The following CD302 variants were observed in gnomAD, a reference collection of about 807,000 sequenced individuals.
CD302 encodes the protein CD302 molecule, also known as CD302 antigen.
Under a neutral mutation model 26.5 loss-of-function variants are expected in CD302, and 23 were observed. That is an observed-to-expected ratio of 0.87 (90% CI 0.62 to 1.23). The LOEUF (loss-of-function observed/expected upper bound fraction) is 1.23. Ranked by LOEUF, CD302 falls within the 50% of genes most tolerant of loss-of-function variation. The pLI is 0.00. For synonymous variants in CD302, 90 were observed against 99.4 expected, an observed-to-expected ratio of 0.91 and a Z score of 0.56; for missense variants, 290 against 275.5, an observed-to-expected ratio of 1.05 and a Z score of -0.37.
intron 5 of CD302, among the ~76,000 whole-genome samples, chr2:159,774,352 T>C (rs1181935589): frequency 1.3e-5 from 2 of 152,192 alleles, no homozygotes; most frequent in East Asian, 1.9e-4. Flanking sequence ...TCTCTATAAA[T>C]TGTGAAGACT....
intron 5 of CD302, among the ~76,000 whole-genome samples, chr2:159,774,269 T>C (rs1490469088): frequency 1.3e-5 from 2 of 152,188 alleles, no homozygotes; most frequent in African/African-American, 4.8e-5. Context: ...TACTTCCAAA[T>C]TTCTTCTAAC....
rs1350898276 is a variant in CD302, at chr2:159,769,302, C to T, written c.*2549G>A. On this transcript the variant is annotated 3_prime_UTR_variant, in exon 6 of 6. Coordinates refer to ENST00000259053, the MANE Select transcript of CD302 (RefSeq NM_014880.5). ...TGCCTGTGTAATCCAATTATCTCTT[C>T]ACTAATGAGTAGATAAGGTGCCTGT... The T allele has an allele frequency of 6.6e-6, 1 of 152,168 alleles. No individual in the cohort carries two copies. The highest frequency in any genetic ancestry group is 1.9e-4 in the East Asian group (1 of 5,198). 9.4% of individuals were successfully genotyped at this position (152,168 alleles called of 1,614,324 possible).
chr2:159,781,719 G>T (rs529827907), intron 2 of CD302, among the ~76,000 whole-genome samples: 4 of 152,222 alleles, frequency 2.6e-5, no homozygotes, highest in African/African-American at 4.8e-5. Context: ...TATTTCAACT[G>T]CCTTGAAATA....
At chr2:159,794,246 C>T (rs974394861) in intron 1 of CD302, among the ~76,000 whole-genome samples, 3 of 133,130 alleles carry the variant, frequency 2.3e-5, no homozygotes, top group Non-Finnish European at 4.8e-5. Flanking sequence ...GCCTGGGTGA[C>T]AGAGTGAGGC....
At chr2:159,794,302 T>TA (rs10656352) in intron 1 of CD302, among the ~76,000 whole-genome samples, 1 of 113,460 alleles carries the variant, frequency 8.8e-6, no homozygotes, top group African/African-American at 3.4e-5. Flanking sequence ...TAAAATAAAA[T>TA]AATAAAAAAA....
intron 3 of CD302, 42 bp from the exon 4 acceptor site, chr2:159,780,220 AAGG>A (rs757142786): frequency 6.2e-7 from 1 of 1,600,018 alleles, no homozygotes; most frequent in Non-Finnish European, 8.5e-7. Context: ...ACAGTTTTAA[AAGG>A]AGTTCAAGCC....
At chr2:159,785,371 A>G (rs954381893) in intron 1 of CD302, among the ~76,000 whole-genome samples, 2 of 152,196 alleles carry the variant, frequency 1.3e-5, no homozygotes, top group African/African-American at 4.8e-5. Flanking sequence ...TCTGGCAGGA[A>G]TCTAGAACTC....
At chr2:159,791,856 A>C (rs1708815689) in intron 1 of CD302, among the ~76,000 whole-genome samples, 1 of 152,240 alleles carries the variant, frequency 6.6e-6, no homozygotes, top group African/African-American at 2.4e-5. Flanking sequence ...GTGAACAAAA[A>C]GGAAAAGAAA....
In CD302 at chr2:159,770,914, T is replaced by C. The variant is rs898572312; in HGVS notation, c.*937A>G. 6.6e-6 allele frequency: 1 copy of C among 152,212 alleles called. No homozygotes were observed. Among genetic ancestry groups the C allele is most frequent in the Non-Finnish European group, 1.5e-5 (1 of 68,022 alleles). 9.4% of individuals were successfully genotyped at this position (152,212 alleles called of 1,614,324 possible). ...CTTTATCTTTCCTGTTTTTGGTTTA[T>C]TGATGGTGAGGAAAATTACTCGTTT... is the stretch of plus-strand genomic sequence containing the variant. On this transcript the variant is annotated 3_prime_UTR_variant, in exon 6 of 6. Transcript: ENST00000259053.
In CD302 at chr2:159,771,155, G is replaced by A. The variant is rs1447514057; in HGVS notation, c.*696C>T. 6.6e-6 allele frequency: 1 copy of A among 152,080 alleles called. No individual in the cohort carries two copies. The highest frequency in any genetic ancestry group is 6.6e-5 in the Admixed American group (1 of 15,264). The allele number at this position is 152,080 out of a possible 1,614,324, so 9.4% of individuals were successfully genotyped here. On this transcript the variant is annotated 3_prime_UTR_variant, in exon 6 of 6. Transcript: ENST00000259053. ...GTATAGGGGAAAGTACAAAAGGTAT[G>A]GTGGCAAGAGAGAAATCCTTAAAGG...
At position 159,769,573 on chromosome 2, in the gene CD302, A is replaced by C. The variant is rs992841846; in HGVS notation, c.*2278T>G. On this transcript the variant is annotated 3_prime_UTR_variant, in exon 6 of 6. Coordinates refer to ENST00000259053, the MANE Select transcript of CD302 (RefSeq NM_014880.5). ...GCAGGAGAATTGCTTGAAAACCTGC[A>C]AGGCGGAGATTGGAGAGAGCCAAGA... The C allele has an allele frequency of 1.3e-5, 2 of 152,180 alleles. No individual in the cohort carries two copies. Among genetic ancestry groups the C allele is most frequent in the African/African-American group, 2.4e-5 (1 of 41,400 alleles). 9.4% of individuals were successfully genotyped at this position (152,180 alleles called of 1,614,324 possible).
At chr2:159,787,206 C>T (rs1389933821) in intron 1 of CD302, among the ~76,000 whole-genome samples, 1 of 152,136 alleles carries the variant, frequency 6.6e-6, no homozygotes, top group African/African-American at 2.4e-5. Context: ...TTCACAGATA[C>T]TGCCAAACAC....
At chr2:159,773,161 G>A (rs958707584) in intron 5 of CD302, among the ~76,000 whole-genome samples, 1 of 152,152 alleles carries the variant, frequency 6.6e-6, no homozygotes, top group South Asian at 2.1e-4. Context: ...GATGACAGGC[G>A]CACGCCATGA....
chr2:159,778,553 C>T (rs930325902), intron 4 of CD302, among the ~76,000 whole-genome samples: 1 of 152,044 alleles, frequency 6.6e-6, no homozygotes, highest in African/African-American at 2.4e-5. Context: ...GTACATACTT[C>T]CATATGTAAA....
intron 2 of CD302, chr2:159,781,319 C>T (rs147510533): frequency 0.029 from 5,216 of 177,560 alleles, 102 homozygotes; most frequent in East Asian, 0.087. Context: ...GAGGCTGAGG[C>T]GGGTGGATCA....
At chr2:159,781,245 A>C (rs1395516622) in intron 2 of CD302, among the ~76,000 whole-genome samples, 1 of 152,092 alleles carries the variant, frequency 6.6e-6, no homozygotes, top group Admixed American at 6.5e-5. Flanking sequence ...ATTTTTTTTA[A>C]GGGATGGAAA....
At chr2:159,783,006 C>T (rs889551616) in intron 2 of CD302, among the ~76,000 whole-genome samples, 3 of 152,148 alleles carry the variant, frequency 2.0e-5, no homozygotes, top group African/African-American at 7.2e-5. Context: ...GAACAAATAA[C>T]TGAAGTTAAT....
At position 159,771,406 on chromosome 2, in the gene CD302, A is replaced by G. The variant is rs1422701133; in HGVS notation, c.*445T>C. ...ATAAAAAGATACACATTCTAGAGGA[A>G]TTATCTGCCAAAAAAATAACAATTA... On this transcript the variant is annotated 3_prime_UTR_variant, in exon 6 of 6. Transcript: ENST00000259053. The G allele has an allele frequency of 2.0e-5, 3 of 153,578 alleles. No individual in the cohort carries two copies. Among genetic ancestry groups the G allele is most frequent in the Non-Finnish European group, 4.3e-5 (3 of 68,990 alleles). 9.5% of individuals were successfully genotyped at this position (153,578 alleles called of 1,614,324 possible). A position where few individuals can be genotyped will look rare whatever the true frequency, so the allele number is the denominator to read the frequency against.
intron 1 of CD302, among the ~76,000 whole-genome samples, chr2:159,785,176 ATGTT>A (rs1708634963): frequency 6.6e-6 from 1 of 151,882 alleles, no homozygotes; most frequent in Non-Finnish European, 1.5e-5. Context: ...AGGTCTTGCT[ATGTT>A]GCCCAGGCTG....
Sources: allele counts gnomAD v4.1 joint callset (sites outside exome capture counted in the v4.1 genomes callset), GRCh38; gene constraint gnomAD v4.1.1; transcripts MANE v1.5; gene names NCBI Gene and HGNC (gene_info 2026-07-23, HGNC 2026-07-21).